PTPRQ: variants seen among roughly 807,000 people sequenced by gnomAD.
PTPRQ encodes protein tyrosine phosphatase receptor type Q.
A neutral mutation model predicts 246.0 loss-of-function variants in PTPRQ; 199 were observed. The ratio of observed to expected loss-of-function variants is 0.81; its 90% CI spans 0.72 to 0.91. PTPRQ has a LOEUF of 0.91. PTPRQ is among the 40% of genes least tolerant of loss of function. The pLI is 0.00. For synonymous variants in PTPRQ, 869 were observed against 853.2 expected (o/e 1.02, Z -0.32); for missense variants, 2,624 against 2,528.4 (o/e 1.04, Z -0.81).
chr12:80,516,075 C>A (rs1895290932), intron 17 of PTPRQ, among the ~76,000 whole-genome samples: 1 of 152,120 alleles, frequency 6.6e-6, no homozygotes, highest in Non-Finnish European at 1.5e-5. Flanking sequence ...GATACACAGT[C>A]CTTGAATTCC....
At chr12:80,604,020 A>G (rs748094059) in intron 26 of PTPRQ, among the ~76,000 whole-genome samples, 1 of 151,610 alleles carries the variant, frequency 6.6e-6, no homozygotes, top group Non-Finnish European at 1.5e-5. Flanking sequence ...ACTGAGGTCC[A>G]AACATTTTGG....
intron 19 of PTPRQ, 149 bp from the exon 20 acceptor site, chr12:80,539,627 C>A: frequency 1.7e-6 from 1 of 583,926 alleles, no homozygotes; most frequent in Non-Finnish European, 2.6e-6. Context: ...TTAATTGTTG[C>A]AATAAAAAAT....
At chr12:80,461,924 C>T (rs1014517127) in intron 6 of PTPRQ, 7 of 24,656 alleles carry the variant, frequency 2.8e-4, no homozygotes, top group African/African-American at 1.1e-3. Flanking sequence ...TCTACAGCTC[C>T]CAGCATGAGC....
chr12:80,562,849 A>G (rs1361244426), intron 25 of PTPRQ, among the ~76,000 whole-genome samples: 1 of 152,158 alleles, frequency 6.6e-6, no homozygotes, highest in East Asian at 1.9e-4. Flanking sequence ...TCTTTGAAAA[A>G]ATAAATAAAA....
chr12:80,636,164 T>A (rs1331230630), intron 35 of PTPRQ, among the ~76,000 whole-genome samples: 1 of 152,226 alleles, frequency 6.6e-6, no homozygotes, highest in East Asian at 1.9e-4. Context: ...GACAGCTGAC[T>A]TTTTAAACAT....
At chr12:80,634,812 G>A (rs1899579612) in intron 34 of PTPRQ, 133 bp from the exon 35 acceptor site, 1 of 1,301,874 alleles carries the variant, frequency 7.7e-7, no homozygotes, top group Admixed American at 3.2e-5. Flanking sequence ...CTATAAATTT[G>A]CAACATATTC....
Position 80,539,879 on chromosome 12 carries a change from C to T in PTPRQ, c.3089C>T (p.Ala1030Val). 6.5e-7 allele frequency: 1 copy of T among 1,549,056 alleles called. No homozygotes were observed. The highest frequency in any genetic ancestry group is 8.7e-7 in the Non-Finnish European group (1 of 1,145,656). ...AGCTACTATACATTTTGGTTAACAG[C>T]AAGTACTTCAGTTGGAAATGGGAAT... is the stretch of plus-strand genomic sequence containing the variant. ...IFSYYTFWLT[A>V]STSVGNGNKS... Residue 1030 changes from alanine to valine, a missense_variant, in exon 20 of 45, where the codon GCA becomes GTA. Coordinates refer to ENST00000644991, the MANE Select transcript of PTPRQ (RefSeq NM_001145026.2).
intron 35 of PTPRQ, among the ~76,000 whole-genome samples, chr12:80,637,168 G>A (rs1446242641): frequency 6.7e-6 from 1 of 149,448 alleles, no homozygotes; most frequent in African/African-American, 2.5e-5. Flanking sequence ...GGGTGACAGA[G>A]CGAGACTCCA....
chr12:80,670,288 C>G (rs1900927246), intron 41 of PTPRQ, 56 bp from the exon 42 acceptor site: 1 of 1,537,326 alleles, frequency 6.5e-7, no homozygotes, highest in African/African-American at 1.4e-5. Context: ...TTGCCTTCAA[C>G]CTTCATTGTG....
intron 39 of PTPRQ, among the ~76,000 whole-genome samples, chr12:80,661,148 A>G (rs1011504903): frequency 6.6e-6 from 1 of 151,742 alleles, no homozygotes; most frequent in Non-Finnish European, 1.5e-5. Context: ...TTTGCTAGAC[A>G]GTTTGGGGGA....
chr12:80,637,614 T>C (rs1488746941), intron 35 of PTPRQ, among the ~76,000 whole-genome samples: 1 of 152,210 alleles, frequency 6.6e-6, no homozygotes, highest in Non-Finnish European at 1.5e-5. Flanking sequence ...AAAATAACAA[T>C]TAAGTGATTT....
chr12:80,556,667 A>G (rs1896655459), intron 25 of PTPRQ, among the ~76,000 whole-genome samples: 1 of 152,194 alleles, frequency 6.6e-6, no homozygotes, highest in South Asian at 2.1e-4. Flanking sequence ...AATATCTTGG[A>G]TGGTTAGGTT....
intron 17 of PTPRQ, among the ~76,000 whole-genome samples, chr12:80,512,051 T>G (rs1232752738): frequency 6.6e-6 from 1 of 152,166 alleles, no homozygotes; most frequent in East Asian, 1.9e-4. Context: ...TTGAGCTACA[T>G]TTGGGAAGAA....
At chr12:80,605,885 G>A (rs1217937412) in intron 27 of PTPRQ, among the ~76,000 whole-genome samples, 1 of 151,050 alleles carries the variant, frequency 6.6e-6, no homozygotes, top group Non-Finnish European at 1.5e-5. Flanking sequence ...CATAGGCATG[G>A]TTGCAGTGTA....
At chr12:80,595,939 A>C in intron 26 of PTPRQ, among the ~76,000 whole-genome samples, 1 of 152,266 alleles carries the variant, frequency 6.6e-6, no homozygotes, top group Middle Eastern at 3.4e-3. Flanking sequence ...AATATGAATT[A>C]TTGCATATAG....
At position 80,539,833 on chromosome 12, in the gene PTPRQ, A is replaced by G. The variant is rs1896098090; in HGVS notation, c.3043A>G (p.Ile1015Val). 4 of 1,548,564 alleles carry G rather than the reference A, an allele frequency of 2.6e-6. No individual in the cohort carries two copies. Among genetic ancestry groups the G allele is most frequent in the Non-Finnish European group, 3.5e-6 (4 of 1,145,794 alleles). ...DFDNMTVSTI[I>V]DKLTIFSYYT... is the part of the protein sequence containing the mutation. ...TGACAATATGACTGTATCCACAATT[A>G]TAGATAAACTGACAATATTCAGCTA... The change falls in exon 20 of 45, where the codon ATA (isoleucine) becomes GTA (valine). Residue 1015 changes from isoleucine (I) to valine (V), a missense_variant. Coordinates refer to ENST00000644991, the MANE Select transcript of PTPRQ (RefSeq NM_001145026.2).
intron 3 of PTPRQ, among the ~76,000 whole-genome samples, chr12:80,446,673 G>A (rs547963398): frequency 3.1e-4 from 47 of 152,018 alleles, no homozygotes; most frequent in Non-Finnish European, 5.2e-4. Context: ...AAGTGAGAAT[G>A]TGTGGTATTT....
At chr12:80,463,775 T>C (rs1395931891) in intron 6 of PTPRQ, among the ~76,000 whole-genome samples, 1 of 150,950 alleles carries the variant, frequency 6.6e-6, no homozygotes, top group Non-Finnish European at 1.5e-5. Flanking sequence ...CTAAGCTTCA[T>C]AAGTGAAGGA....
intron 25 of PTPRQ, among the ~76,000 whole-genome samples, chr12:80,573,214 G>A (rs1015217733): frequency 1.3e-5 from 2 of 152,166 alleles, no homozygotes; most frequent in African/African-American, 4.8e-5. Flanking sequence ...TTAGGGCCGG[G>A]CGCGGTGGCT....
Sources: gnomAD v4.1 joint callset for allele counts (sites outside exome capture counted in the v4.1 genomes callset) on GRCh38, gnomAD v4.1.1 for gene constraint, MANE v1.5 for transcripts, NCBI Gene and HGNC (gene_info 2026-07-23, HGNC 2026-07-21) for gene names.